The following DPP7 variants were observed in gnomAD, a reference collection of about 807,000 sequenced individuals.
DPP7 encodes dipeptidyl peptidase 2.
Under a neutral mutation model 58.8 loss-of-function variants are expected in DPP7, and 74 were observed. The observed-to-expected ratio is 1.26, with a 90% CI of 1.04 to 1.53. The LOEUF is 1.53. Among genes scored for constraint, DPP7 ranks in the 40% most tolerant of loss-of-function variants. DPP7 has a pLI of 0.00. For synonymous variants in DPP7, 350 were observed against 303.6 expected (o/e 1.15, Z -1.59); for missense variants, 807 against 692.3 (o/e 1.17, Z -1.86).
upstream of DPP7, among the ~76,000 whole-genome samples, chr9:137,117,270 C>T (rs1378553164): frequency 6.6e-6 from 1 of 152,224 alleles, no homozygotes; most frequent in African/African-American, 2.4e-5. Flanking sequence ...CCAACTTCTG[C>T]AGGAGGACCC....
upstream of DPP7, among the ~76,000 whole-genome samples, chr9:137,116,376 C>G (rs1180463219): frequency 6.6e-6 from 1 of 152,224 alleles, no homozygotes; most frequent in Non-Finnish European, 1.5e-5. Context: ...TAACCTGTAA[C>G]CTTAGCCCCA....
chr9:137,114,617 G>A (rs1056009397), intron 1 of DPP7, 30 bp downstream of exon 1: 1 of 1,431,534 alleles, frequency 7.0e-7, no homozygotes, highest in Non-Finnish European at 9.2e-7. Flanking sequence ...GCCGGGACCG[G>A]GGAATGGGCC....
chr9:137,113,377 A>G lies in DPP7; in HGVS notation c.605T>C (p.Phe202Ser). The G allele has an allele frequency of 6.2e-7, 1 of 1,610,762 alleles. No individual in the cohort carries two copies. The highest frequency in any genetic ancestry group is 8.5e-7 in the Non-Finnish European group (1 of 1,178,154). The stretch of plus-strand genomic sequence containing the variant: ...CTCACTCACCGCCGTGACGTCCCGG[A>G]AGAACTGGTTGGAGTCGCCGAGGCC... ...VAGLGDSNQF[F>S]RDVTADFEGQ... is the part of the protein sequence containing the mutation. Residue 202 changes from phenylalanine (F) to serine (S), a missense_variant, in exon 5 of 13, where the codon TTC becomes TCC. Around this residue, in one of 3 missense-constraint regions of DPP7, gnomAD observed 624 missense variants for 531.2 expected, o/e 1.17. Coordinates refer to ENST00000371579, the MANE Select transcript of DPP7 (RefSeq NM_013379.3).
rs1336498538 is a variant in DPP7, at chr9:137,114,411, G to C, written c.182-29C>G. ...TGGGGAGGGCGGATGAGGCGAGGGT[G>C]CCGGGGGGCGGCGGGACGGCGGGGG... is the stretch of plus-strand genomic sequence containing the variant. On this transcript the variant is annotated intron_variant, in intron 2 of 12. Transcript: ENST00000371579. 4 of 1,573,256 alleles carry C rather than the reference G, an allele frequency of 2.5e-6. No homozygotes were observed. In the East Asian group the frequency reaches 9.4e-5, roughly 37 times the overall value.
chr9:137,112,194 TAGCAGTGCTCGG>T lies in DPP7; in HGVS notation c.956_967del (p.Ser319_Cys322del), dbSNP rs745364610. 1 of 1,605,630 alleles carries T rather than the reference TAGCAGTGCTCGG, an allele frequency of 6.2e-7. No homozygotes were observed. Among genetic ancestry groups the T allele is most frequent in the South Asian group, 1.1e-5 (1 of 91,014 alleles). Reference sequence around the variant, plus strand: ...GCTGTGGTAGAGCCGGTAGATGTCGTAGCAGTGCTCGGAGCCCGAGGCGTTGTAGACCAGCCC... The same window carrying T: ...GCTGTGGTAGAGCCGGTAGATGTCGTAGCCCGAGGCGTTGTAGACCAGCCC... On this transcript the variant is annotated inframe_deletion, in exon 9 of 13. Coordinates refer to ENST00000371579, the MANE Select transcript of DPP7 (RefSeq NM_013379.3).
chr9:137,115,345 A>AG (rs1225432761), upstream of DPP7, among the ~76,000 whole-genome samples: 1 of 152,140 alleles, frequency 6.6e-6, no homozygotes, highest in African/African-American at 2.4e-5. Context: ...TGCAGGGACA[A>AG]GGGGGGACCA....
intron 8 of DPP7, chr9:137,112,515 C>T (rs1008823717): frequency 3.1e-6 from 2 of 654,112 alleles, no homozygotes; most frequent in Non-Finnish European, 5.2e-6. Context: ...GCCCCTTGGG[C>T]AGCACCCACC....
rs1831570155 is a variant in DPP7, at chr9:137,114,645, A to C, written c.67+2T>G. ...AATGGGCCGGGGGGCGCCGCCACTC[A>C]CCCCCCGCCTGGAGGCCGCGCAGCC... On this transcript the variant is annotated splice_donor_variant, in intron 1 of 12. Transcript: ENST00000371579. LOFTEE classifies it high-confidence loss of function. 1.5e-6 allele frequency: 2 copies of C among 1,375,168 alleles called. No individual in the cohort carries two copies. 85.2% of individuals were successfully genotyped at this position (1,375,168 alleles called of 1,614,324 possible). A position where few individuals can be genotyped will look rare whatever the true frequency, so the allele number is the denominator to read the frequency against.
At chr9:137,112,840 C>G in intron 7 of DPP7, 35 bp from the exon 8 acceptor site, 1 of 1,604,938 alleles carries the variant, frequency 6.2e-7, no homozygotes, top group Non-Finnish European at 8.5e-7. Context: ...TCAGCGGGGT[C>G]CCCTCCACCA....
In DPP7 at chr9:137,112,177, A is replaced by G; in HGVS notation, c.985T>C (p.Tyr329His). ...CCAGTGGGGTCAGCACAGCTGTGGT[A>G]GAGCCGGTAGATGTCGTAGCAGTGC... The part of the protein sequence containing the change: ...SEHCYDIYRL[Y>H]HSCADPTGCG... The change falls in exon 9 of 13, where the codon TAC (tyrosine) becomes CAC (histidine). Residue 329 changes from tyrosine to histidine, a missense_variant. Physicochemically the swap from Tyr to His is moderately conservative, Grantham distance 83. Coordinates refer to ENST00000371579, the MANE Select transcript of DPP7 (RefSeq NM_013379.3). 3.1e-6 allele frequency: 5 copies of G among 1,607,950 alleles called. No homozygotes were observed. Among genetic ancestry groups the G allele is most frequent in the South Asian group, 1.1e-5 (1 of 91,040 alleles).
intron 7 of DPP7, 58 bp downstream of exon 7, chr9:137,112,895 A>G (rs887426941): frequency 1.9e-5 from 30 of 1,599,416 alleles, no homozygotes; most frequent in Middle Eastern, 3.4e-4. Flanking sequence ...GCCGCTGACC[A>G]CCAGCCTCGG....
chr9:137,116,342 T>C (rs1223078099), upstream of DPP7, among the ~76,000 whole-genome samples: 1 of 152,210 alleles, frequency 6.6e-6, no homozygotes, highest in African/African-American at 2.4e-5. Flanking sequence ...GAATCAAGGT[T>C]TAAGGCATCT....
chr9:137,113,132 G>C lies in DPP7; in HGVS notation c.704-13C>G. On this transcript the variant is annotated splice_polypyrimidine_tract_variant and intron_variant, in intron 6 of 12. Coordinates refer to ENST00000371579, the MANE Select transcript of DPP7 (RefSeq NM_013379.3). ...ACCGTGTCGTAGGCTGCGTGGAAGG[G>C]GCAGAGACTTGAAGTTTGGGCATAG... is the stretch of plus-strand genomic sequence containing the variant. 1 of 1,613,784 alleles carries C rather than the reference G, an allele frequency of 6.2e-7. No individual in the cohort carries two copies. Among genetic ancestry groups the C allele is most frequent in the South Asian group, 1.1e-5 (1 of 91,088 alleles).
chr9:137,111,727 A>T lies in DPP7; in HGVS notation c.1235T>A (p.Phe412Tyr). 1 of 1,613,454 alleles carries T rather than the reference A, an allele frequency of 6.2e-7. No individual in the cohort carries two copies. Among genetic ancestry groups the T allele is most frequent in the Non-Finnish European group, 8.5e-7 (1 of 1,179,958 alleles). ...GDLRAASNII[F>Y]SNGNLDPWAG... is the part of the protein sequence containing the mutation. Reference sequence around the variant, plus strand: ...CCAGGGGTCCAGGTTCCCGTTGGAGAAGATGATGTTGCTGGCGGCTCTGAG... The same window carrying T: ...CCAGGGGTCCAGGTTCCCGTTGGAGTAGATGATGTTGCTGGCGGCTCTGAG... The change falls in exon 11 of 13, where the codon TTC (phenylalanine) becomes TAC (tyrosine). Residue 412 changes from phenylalanine (F) to tyrosine (Y), a missense_variant. By Grantham distance (22) the Phe-to-Tyr change is conservative. Transcript: ENST00000371579.
Position 137,113,008 on chromosome 9 carries a change from A to C in DPP7, c.815T>G (p.Met272Arg). 2 of 1,613,720 alleles carry C rather than the reference A, an allele frequency of 1.2e-6. No individual in the cohort carries two copies. The highest frequency in any genetic ancestry group is 1.7e-6 in the Non-Finnish European group (2 of 1,179,978). The change falls in exon 7 of 13, where the codon ATG becomes AGG. Residue 272 changes from methionine (M) to arginine (R), a missense_variant. This residue lies in a region of DPP7 where 624 missense variants were observed against 531.2 expected (regional missense o/e 1.17). Transcript: ENST00000371579. ...ARNAFTVLAM[M>R]DYPYPTDFLG... ...GAAGTCAGTGGGGTAGGGGTAGTCC[A>C]TCATGGCCAGCACGGTGAAGGCATT...
In DPP7 at chr9:137,110,749, C is replaced by T. The variant is rs774432577; in HGVS notation, c.1378G>A (p.Glu460Lys). The T allele has an allele frequency of 1.9e-6, 3 of 1,606,612 alleles. No homozygotes were observed. The highest frequency in any genetic ancestry group is 2.5e-6 in the Non-Finnish European group (3 of 1,179,880). ...SHPEDPASVV[E>K]ARKLEATIIG... ...ATGGTGGCCTCCAGCTTCCGCGCCT[C>T]AACCACGGAAGCAGGATCTTCTGGG... The change falls in exon 13 of 13, where the codon GAG (glutamate) becomes AAG (lysine). Residue 460 changes from glutamate to lysine, a missense_variant. Glu to Lys is a moderately conservative substitution (Grantham distance 56, BLOSUM62 1). Around this residue, in one of 3 missense-constraint regions of DPP7, gnomAD observed 624 missense variants for 531.2 expected, o/e 1.17. Transcript: ENST00000371579.
rs1348463824 is a variant in DPP7 at position 137,113,963 on chromosome 9, C to T, written c.387G>A (p.Leu129=). 2.5e-6 allele frequency: 4 copies of T among 1,584,892 alleles called. No individual in the cohort carries two copies. Among genetic ancestry groups the T allele is most frequent in the East Asian group, 2.3e-5 (1 of 43,738 alleles). Residue 129 remains leucine, a synonymous_variant, in exon 4 of 13, where the codon CTG becomes CTA. Transcript: ENST00000371579. The part of the protein sequence containing the change: ...QSTQRGHTEL[L]TVEQALADFA... ...AGTCGGCCAGGGCCTGCTCCACCGT[C>T]AGCAGCTCCGTGTGCCCGCGCTGCG...
chr9:137,116,789 G>A (rs192703461), upstream of DPP7, among the ~76,000 whole-genome samples: 555 of 152,304 alleles, frequency 3.6e-3, 4 homozygotes, highest in South Asian at 9.9e-3. Flanking sequence ...TGTAAAACCC[G>A]ATCGTACATT....
chr9:137,115,976 C>A (rs553094127), upstream of DPP7, among the ~76,000 whole-genome samples: 3 of 152,280 alleles, frequency 2.0e-5, no homozygotes, highest in East Asian at 5.8e-4. Flanking sequence ...CCCTCGGGTG[C>A]CTTAGGTGGC....
Sources: allele counts gnomAD v4.1 joint callset (sites outside exome capture counted in the v4.1 genomes callset), GRCh38; gene constraint gnomAD v4.1.1; regional missense constraint gnomAD v4.1.1; transcripts MANE v1.5; gene names NCBI Gene and HGNC (gene_info 2026-07-23, HGNC 2026-07-21).